The following MRPS30 variants were observed in gnomAD, a reference collection of about 807,000 sequenced individuals.
The protein encoded by MRPS30 is mitochondrial ribosomal protein S30.
A neutral mutation model predicts 43.8 loss-of-function variants in MRPS30; 42 were observed. That is an observed-to-expected ratio of 0.96 (90% confidence interval 0.75 to 1.24). The LOEUF (loss-of-function observed/expected upper bound fraction) is 1.24. Among genes scored for constraint, MRPS30 ranks in the 50% most tolerant of loss-of-function variants. MRPS30 has a pLI of 0.00. For synonymous variants in MRPS30, 273 were observed against 228.2 expected (o/e 1.20, Z -1.77); for missense variants, 638 against 570.0 (o/e 1.12, Z -1.22).
Position 44,814,931 on chromosome 5 carries a change from A to T in MRPS30, c.1049A>T (p.Asp350Val). 1 of 1,610,792 alleles carries T rather than the reference A, an allele frequency of 6.2e-7. No homozygotes were observed. The highest frequency in any genetic ancestry group is 8.5e-7 in the Non-Finnish European group (1 of 1,178,402). ...AMYQGFWSEA[D>V]VTRPFVSQAV... ...TCTACAGGATTCTGGAGTGAAGCAG[A>T]TGTTACTCGACCTTTTGTCTCCCAG... Residue 350 changes from aspartate (D) to valine (V), a missense_variant, in exon 5 of 5, where the codon GAT (aspartate) becomes GTT (valine). Coordinates refer to ENST00000507110, the MANE Select transcript of MRPS30 (RefSeq NM_016640.4).
intron 4 of MRPS30, 154 bp downstream of exon 4, chr5:44,813,436 C>T (rs565101872): frequency 1.2e-5 from 7 of 584,378 alleles, no homozygotes; most frequent in South Asian, 2.9e-5. Context: ...TTAAAATCCT[C>T]GTTTAAATAC....
rs1412643983 is a variant in MRPS30 at position 44,815,353 on chromosome 5, C to G, written c.*151C>G. The G allele has an allele frequency of 5.5e-5, 35 of 636,466 alleles. No homozygotes were observed. The highest frequency in any genetic ancestry group is 7.9e-5 in the Non-Finnish European group (32 of 406,908). The allele number at this position is 636,466 out of a possible 1,614,324, so 39.4% of individuals were successfully genotyped here. A position where few individuals can be genotyped will look rare whatever the true frequency, so the allele number is the denominator to read the frequency against. Reference sequence around the variant, plus strand: ...CTGTTATTAGATCTCTTACTCTGCTCAAATTCATCACTGAAAGATTTAATT... The same window carrying G: ...CTGTTATTAGATCTCTTACTCTGCTGAAATTCATCACTGAAAGATTTAATT... On this transcript the variant is annotated 3_prime_UTR_variant, in exon 5 of 5. Transcript: ENST00000507110.
At chr5:44,812,087 T>C (rs1178611011) in intron 3 of MRPS30, 67 bp downstream of exon 3, 1 of 1,080,994 alleles carries the variant, frequency 9.3e-7, no homozygotes, top group Non-Finnish European at 1.4e-6. Context: ...ATTTGGAGTA[T>C]TGACTACAAT....
At position 44,814,899 on chromosome 5, in the gene MRPS30, ACTTT is replaced by A; in HGVS notation, c.1031-10_1031-7del. On this transcript the variant is annotated splice_polypyrimidine_tract_variant and intron_variant, in intron 4 of 4. Transcript: ENST00000507110. ...TATTCTATGTGTAAATTTCAGCATA[ACTTT>A]CTTCTACAGGATTCTGGAGTGAAGC... 6.3e-7 allele frequency: 1 copy of A among 1,584,268 alleles called. No individual in the cohort carries two copies. The highest frequency in any genetic ancestry group is 8.6e-7 in the Non-Finnish European group (1 of 1,166,258).
rs745826690 is a variant in MRPS30 at position 44,809,165 on chromosome 5, C to A, written c.203C>A (p.Ala68Glu). 8 of 1,611,702 alleles carry A rather than the reference C, an allele frequency of 5.0e-6. No individual in the cohort carries two copies. The Admixed American group carries it at 8.4e-5, about 17-fold the overall frequency. Reference sequence around the variant, plus strand: ...CTGCGGCGGATCGAGCGCTGGCAGGCGACGGTGCACGCTGCGGAGTCGGTA... The same window carrying A: ...CTGCGGCGGATCGAGCGCTGGCAGGAGACGGTGCACGCTGCGGAGTCGGTA... ...ARLRRIERWQ[A>E]TVHAAESVDE... Residue 68 changes from alanine to glutamate, a missense_variant, in exon 1 of 5, where the codon GCG becomes GAG. Physicochemically the swap from Ala to Glu is moderately radical, Grantham distance 107. Transcript: ENST00000507110.
At position 44,811,897 on chromosome 5, in the gene MRPS30, C is replaced by G; in HGVS notation, c.748-18C>G. ...TAATGTTGCTGTGAATTTAGTATGT[C>G]TTTTCTTTTTCTTTAAGTTTGTGCC... On this transcript the variant is annotated intron_variant, in intron 2 of 4. Coordinates refer to ENST00000507110, the MANE Select transcript of MRPS30 (RefSeq NM_016640.4). The G allele has an allele frequency of 2.1e-6, 3 of 1,411,220 alleles. No homozygotes were observed. The highest frequency in any genetic ancestry group is 2.9e-6 in the Non-Finnish European group (3 of 1,039,616). The allele number at this position is 1,411,220 out of a possible 1,614,324, so 87.4% of individuals were successfully genotyped here.
chr5:44,810,277 C>A (rs1476666095), intron 1 of MRPS30, among the ~76,000 whole-genome samples: 1 of 151,986 alleles, frequency 6.6e-6, no homozygotes, highest in Admixed American at 6.6e-5. Flanking sequence ...TGCCTGACAC[C>A]CTATAGCTAA....
chr5:44,814,813 G>C (rs908507265), intron 4 of MRPS30, 100 bp from the exon 5 acceptor site: 4 of 1,076,088 alleles, frequency 3.7e-6, no homozygotes, highest in Non-Finnish European at 5.4e-6. Flanking sequence ...AAGTATCTAA[G>C]TTGTAGGAGG....
chr5:44,809,115 G>T lies in MRPS30; in HGVS notation c.153G>T (p.Met51Ile). 1 of 1,611,750 alleles carries T rather than the reference G, an allele frequency of 6.2e-7. No individual in the cohort carries two copies. The highest frequency in any genetic ancestry group is 1.1e-5 in the South Asian group (1 of 90,932). The change falls in exon 1 of 5, where the codon ATG becomes ATT. Residue 51 changes from methionine to isoleucine, a missense_variant. Physicochemically the swap from Met to Ile is conservative, Grantham distance 10 (BLOSUM62 1). Coordinates refer to ENST00000507110, the MANE Select transcript of MRPS30 (RefSeq NM_016640.4). ...GGTACCCGCCGATTGTGGCCTCCAT[G>T]ACAGCCGACAGCAAAGCTGCACGGC... ...VARYPPIVAS[M>I]TADSKAARLR...
At chr5:44,811,681 T>C (rs1423160462) in intron 2 of MRPS30, among the ~76,000 whole-genome samples, 1 of 152,240 alleles carries the variant, frequency 6.6e-6, no homozygotes, top group Admixed American at 6.5e-5. Context: ...GCTCTGCTCT[T>C]AACAGTGCAA....
At position 44,815,337 on chromosome 5, in the gene MRPS30, G is replaced by C; in HGVS notation, c.*135G>C. ...TATTTCTTATGTCAACCTGTTATTA[G>C]ATCTCTTACTCTGCTCAAATTCATC... On this transcript the variant is annotated 3_prime_UTR_variant, in exon 5 of 5. Coordinates refer to ENST00000507110, the MANE Select transcript of MRPS30 (RefSeq NM_016640.4). 2 of 782,332 alleles carry C rather than the reference G, an allele frequency of 2.6e-6. No individual in the cohort carries two copies. The highest frequency in any genetic ancestry group is 2.0e-5 in the South Asian group (1 of 48,874). 48.5% of individuals were successfully genotyped at this position (782,332 alleles called of 1,614,324 possible).
rs61754779 is a variant in MRPS30, at chr5:44,809,344, G to T, written c.382G>T (p.Glu128Ter). The change falls in exon 1 of 5, where the codon GAG becomes TAG. Residue 128 changes from glutamate (E) to a stop codon, truncating the protein, a stop_gained. Transcript: ENST00000507110. LOFTEE classifies it high-confidence loss of function. ...GCCGCCCCCAGCGGAGCCCGAGCCC[G>T]AGCCCGAACCCGAACCTGAACCTGC... ...LPPPPAEPEP[E>*]PEPEPEPALD... 9 of 1,608,838 alleles carry T rather than the reference G, an allele frequency of 5.6e-6. No individual in the cohort carries two copies. The highest frequency in any genetic ancestry group is 7.6e-6 in the Non-Finnish European group (9 of 1,177,866).
Position 44,809,245 on chromosome 5 carries a change from C to T in MRPS30, c.283C>T (p.Pro95Ser), listed in dbSNP as rs1742777734. Reference protein sequence around the residue: ...KMQFMKYMVYPQTFALNADRW... With the variant: ...KMQFMKYMVYSQTFALNADRW... Reference sequence around the variant, plus strand: ...GCAGTTTATGAAGTACATGGTTTACCCGCAGACCTTCGCGCTGAATGCCGA... The same window carrying T: ...GCAGTTTATGAAGTACATGGTTTACTCGCAGACCTTCGCGCTGAATGCCGA... The change falls in exon 1 of 5, where the codon CCG becomes TCG. Residue 95 changes from proline to serine, a missense_variant. Pro to Ser is a moderately conservative substitution (Grantham distance 74, BLOSUM62 -1). Coordinates refer to ENST00000507110, the MANE Select transcript of MRPS30 (RefSeq NM_016640.4). 2 of 1,613,676 alleles carry T rather than the reference C, an allele frequency of 1.2e-6. No homozygotes were observed. The highest frequency in any genetic ancestry group is 2.2e-5 in the East Asian group (1 of 44,856).
intron 2 of MRPS30, among the ~76,000 whole-genome samples, chr5:44,811,480 C>T (rs904501672): frequency 6.6e-6 from 1 of 152,150 alleles, no homozygotes; most frequent in Admixed American, 6.5e-5. Context: ...CTAGACTAGT[C>T]ATAAATCAAG....
rs755437892 is a variant in MRPS30 at position 44,808,997 on chromosome 5, G to A, written c.35G>A (p.Arg12His). Residue 12 changes from arginine to histidine, a missense_variant, in exon 1 of 5, where the codon CGC (arginine) becomes CAC (histidine). Arg to His is a conservative substitution (Grantham distance 29). Coordinates refer to ENST00000507110, the MANE Select transcript of MRPS30 (RefSeq NM_016640.4). ...AAARCWRPLLRGPRLSLHTAA... is the reference protein window; with the variant it reads ...AAARCWRPLLHGPRLSLHTAA... ...GCCAGGTGTTGGAGGCCTTTGCTAC[G>A]CGGTCCGAGGCTTTCATTGCACACC... 21 of 1,607,898 alleles carry A rather than the reference G, an allele frequency of 1.3e-5. No homozygotes were observed. The highest frequency in any genetic ancestry group is 1.7e-5 in the Non-Finnish European group (20 of 1,177,770).
chr5:44,812,150 A>G (rs1336786645), intron 3 of MRPS30, 130 bp downstream of exon 3: 3 of 492,802 alleles, frequency 6.1e-6, no homozygotes, highest in Non-Finnish European at 1.1e-5. Flanking sequence ...GAGCAATATA[A>G]TTCGTAATCT....
In MRPS30 at chr5:44,813,260, T is replaced by C. The variant is rs1262162647; in HGVS notation, c.1008T>C (p.Thr336=). 2.5e-6 allele frequency: 4 copies of C among 1,606,262 alleles called. No homozygotes were observed. The South Asian group carries it at 4.5e-5, about 18-fold the overall frequency. Residue 336 remains threonine (T), a synonymous_variant, in exon 4 of 5, where the codon ACT becomes ACC. Coordinates refer to ENST00000507110, the MANE Select transcript of MRPS30 (RefSeq NM_016640.4). ...CTATTGCAAGCCTTTTTGCTTGGAC[T>C]GGAGCACAAGCTATGTATCAAGGTA... ...ANAIASLFAW[T]GAQAMYQGFW...
intron 2 of MRPS30, 77 bp downstream of exon 2, chr5:44,811,231 A>G: frequency 2.7e-6 from 4 of 1,481,632 alleles, no homozygotes; most frequent in Non-Finnish European, 3.7e-6. Context: ...TAATAGTCTT[A>G]GTAGAATAAA....
chr5:44,815,222 A>G lies in MRPS30; in HGVS notation c.*20A>G, dbSNP rs776495684. The stretch of plus-strand genomic sequence containing the variant: ...AACTGAAAAAGCATATTTGATTGAG[A>G]ACTGTGGGAATATTTAAATTTTACT... On this transcript the variant is annotated 3_prime_UTR_variant, in exon 5 of 5. Transcript: ENST00000507110. 3 of 1,537,854 alleles carry G rather than the reference A, an allele frequency of 2.0e-6. No individual in the cohort carries two copies. The highest frequency in any genetic ancestry group is 2.1e-5 in the Admixed American group (1 of 48,096).
Sources: gnomAD v4.1 joint callset for allele counts (sites outside exome capture counted in the v4.1 genomes callset) on GRCh38, gnomAD v4.1.1 for gene constraint, MANE v1.5 for transcripts, NCBI Gene and HGNC (gene_info 2026-07-23, HGNC 2026-07-21) for gene names.